Variants in RBMS3 observed in about 807,000 individuals in gnomAD.
The protein encoded by RBMS3 is RNA binding motif single stranded interacting protein 3.
RBMS3 carries 27 observed loss-of-function variants against 66.8 expected under a neutral mutation model. The observed-to-expected ratio is 0.40, with a 90% CI of 0.30 to 0.56. RBMS3 has a LOEUF of 0.56. Ranked by LOEUF, RBMS3 falls within the 20% of genes least tolerant of loss-of-function variation. The pLI is 0.40. For synonymous variants in RBMS3, 188 were observed against 183.0 expected, an observed-to-expected ratio of 1.03 and a Z score of -0.22; for missense variants, 513 against 549.5, an observed-to-expected ratio of 0.93 and a Z score of 0.66.
intron 4 of RBMS3, among the ~76,000 whole-genome samples, chr3:29,653,108 C>A (rs554849392): frequency 6.6e-6 from 1 of 152,022 alleles, no homozygotes; most frequent in East Asian, 1.9e-4. Flanking sequence ...GAATTCCATT[C>A]GTTGTTAAGA....
At chr3:29,681,759 G>A (rs2051507774) in intron 4 of RBMS3, among the ~76,000 whole-genome samples, 1 of 152,130 alleles carries the variant, frequency 6.6e-6, no homozygotes, top group Non-Finnish European at 1.5e-5. Context: ...TATCATTGAT[G>A]GGCATTTGGG....
At chr3:29,741,194 A>G (rs1010041003) in intron 5 of RBMS3, among the ~76,000 whole-genome samples, 2 of 152,194 alleles carry the variant, frequency 1.3e-5, no homozygotes, top group Non-Finnish European at 2.9e-5. Context: ...CTTATTCTCC[A>G]TAATGTATAC....
chr3:29,403,039 T>C (rs144794991), intron 1 of RBMS3, among the ~76,000 whole-genome samples: 60 of 151,680 alleles, frequency 4.0e-4, no homozygotes, highest in Middle Eastern at 3.4e-3. Context: ...CATAGAATGA[T>C]TTAAGGTAAA....
chr3:29,583,417 T>C (rs149352525), intron 3 of RBMS3, among the ~76,000 whole-genome samples: 1 of 152,316 alleles, frequency 6.6e-6, no homozygotes, highest in East Asian at 1.9e-4. Context: ...ACAGTATTAA[T>C]AGACACTTTT....
At chr3:29,869,390 G>A (rs941974760) in intron 7 of RBMS3, among the ~76,000 whole-genome samples, 1 of 151,954 alleles carries the variant, frequency 6.6e-6, no homozygotes, top group Non-Finnish European at 1.5e-5. Flanking sequence ...TTATTGAGAT[G>A]ATTTACTTGC....
At chr3:29,874,564 G>T (rs1559758831) in intron 7 of RBMS3, among the ~76,000 whole-genome samples, 1 of 152,124 alleles carries the variant, frequency 6.6e-6, no homozygotes, top group African/African-American at 2.4e-5. Flanking sequence ...AACTGAAGGA[G>T]ATTATTTACA....
chr3:29,844,786 G>A (rs1291893718), intron 6 of RBMS3, among the ~76,000 whole-genome samples: 1 of 152,140 alleles, frequency 6.6e-6, no homozygotes, highest in Non-Finnish European at 1.5e-5. Context: ...AAGAAGTTAA[G>A]GAATTAAATG....
chr3:29,585,436 A>G (rs1304775020), intron 3 of RBMS3, among the ~76,000 whole-genome samples: 1 of 152,158 alleles, frequency 6.6e-6, no homozygotes, highest in Non-Finnish European at 1.5e-5. Context: ...ATTTGAAAGG[A>G]CACATGCAGA....
At position 29,350,589 on chromosome 3, in the gene RBMS3, G is replaced by T. The variant is rs1218602069; in HGVS notation, c.75+68833G>T. Reference sequence around the variant, plus strand: ...AGTACAGGGGCCACAGAGATGGAGAGAACTAAGCTCCCTCTCTCCTGGGAC... The same window carrying T: ...AGTACAGGGGCCACAGAGATGGAGATAACTAAGCTCCCTCTCTCCTGGGAC... On this transcript the variant is annotated intron_variant, in intron 1 of 14. Coordinates refer to ENST00000383767, the MANE Select transcript of RBMS3 (RefSeq NM_001003793.3). Among the ~76,000 whole-genome samples, 10 of 152,290 alleles carry T rather than the reference G, an allele frequency of 6.6e-5. No individual in the cohort carries two copies. In the East Asian group the frequency reaches 1.9e-3, roughly 29 times the overall value.
chr3:29,815,914 C>T (rs1036389675), intron 6 of RBMS3, among the ~76,000 whole-genome samples: 3 of 151,124 alleles, frequency 2.0e-5, no homozygotes, highest in Non-Finnish European at 4.4e-5. Flanking sequence ...CCGAAAAGCA[C>T]CTGTACTCCA....
chr3:29,572,560 G>T (rs2046984086), intron 3 of RBMS3, among the ~76,000 whole-genome samples: 1 of 152,060 alleles, frequency 6.6e-6, no homozygotes, highest in Non-Finnish European at 1.5e-5. Flanking sequence ...TTGATATGTT[G>T]TATCACATTG....
chr3:29,416,101 A>G (rs1451448175), intron 1 of RBMS3, among the ~76,000 whole-genome samples: 2 of 152,108 alleles, frequency 1.3e-5, no homozygotes, highest in African/African-American at 2.4e-5. Context: ...TGCTCTCCCT[A>G]TTTACCTTAA....
intron 10 of RBMS3, among the ~76,000 whole-genome samples, chr3:29,904,119 C>G (rs1042971886): frequency 6.6e-6 from 1 of 151,920 alleles, no homozygotes; most frequent in Non-Finnish European, 1.5e-5. Flanking sequence ...CCTGGCTTTG[C>G]TACCGTTAAA....
intron 3 of RBMS3, among the ~76,000 whole-genome samples, chr3:29,567,150 G>T (rs755301467): frequency 6.6e-6 from 1 of 151,990 alleles, no homozygotes; most frequent in African/African-American, 2.4e-5. Flanking sequence ...GAGAAATCAC[G>T]TCTCATTTGT....
intron 12 of RBMS3, among the ~76,000 whole-genome samples, chr3:29,963,499 G>T (rs1696617095): frequency 6.6e-6 from 1 of 152,230 alleles, no homozygotes; most frequent in East Asian, 1.9e-4. Context: ...GACTGTTTTT[G>T]TCTTCTTACA....
intron 1 of RBMS3, among the ~76,000 whole-genome samples, chr3:29,362,350 C>G (rs189133017): frequency 2.1e-3 from 316 of 152,322 alleles, no homozygotes; most frequent in Non-Finnish European, 3.3e-3. Context: ...GCAGTGGAAG[C>G]TGCAGAACAG....
chr3:29,388,442 T>C (rs1254560607), intron 1 of RBMS3, among the ~76,000 whole-genome samples: 1 of 152,226 alleles, frequency 6.6e-6, no homozygotes, highest in East Asian at 1.9e-4. Flanking sequence ...TATCTTTTTT[T>C]ATCACTGCAC....
At chr3:29,643,726 G>T (rs2049811966) in intron 4 of RBMS3, among the ~76,000 whole-genome samples, 1 of 152,004 alleles carries the variant, frequency 6.6e-6, no homozygotes. Flanking sequence ...TTTGAGGGAG[G>T]TTTCTAGAGA....
chr3:29,713,430 C>A (rs552860440), intron 4 of RBMS3, among the ~76,000 whole-genome samples: 22 of 152,188 alleles, frequency 1.4e-4, no homozygotes, highest in African/African-American at 5.3e-4. Context: ...AGCCTAGTAC[C>A]TGGAGAAAAT....
Sources: allele counts gnomAD v4.1 joint callset (sites outside exome capture counted in the v4.1 genomes callset), GRCh38; gene constraint gnomAD v4.1.1; transcripts MANE v1.5; gene names NCBI Gene and HGNC (gene_info 2026-07-23, HGNC 2026-07-21).